DPP10: variants seen among roughly 807,000 people sequenced by gnomAD.
DPP10 encodes the protein dipeptidyl peptidase like 10, also known as inactive dipeptidyl peptidase 10.
Under a neutral mutation model 120.9 loss-of-function variants are expected in DPP10, and 33 were observed. That is an observed-to-expected ratio of 0.27 (90% CI 0.21 to 0.37). DPP10 has a LOEUF of 0.37. Among genes scored for constraint, DPP10 ranks in the 10% least tolerant of loss-of-function variants. The probability of loss-of-function intolerance (pLI) is 1.00; values close to 1 mark genes in which losing one functional copy is unlikely to be tolerated. For synonymous variants in DPP10, 337 were observed against 326.1 expected (o/e 1.03, Z -0.36); for missense variants, 816 against 942.8 (o/e 0.87, Z 1.76).
intron 1 of DPP10, among the ~76,000 whole-genome samples, chr2:114,928,164 C>T (rs765469290): frequency 1.2e-4 from 18 of 152,214 alleles, no homozygotes; most frequent in Non-Finnish European, 2.2e-4. Flanking sequence ...ATAAAATCAT[C>T]CCTCTCCAAT....
intron 1 of DPP10, among the ~76,000 whole-genome samples, chr2:114,537,577 T>C (rs1194722349): frequency 1.3e-5 from 2 of 152,098 alleles, no homozygotes; most frequent in African/African-American, 2.4e-5. Flanking sequence ...AAGATCATAA[T>C]AGCAATAATG....
chr2:114,451,729 G>T (rs1230794064), intron 1 of DPP10, among the ~76,000 whole-genome samples: 1 of 152,104 alleles, frequency 6.6e-6, no homozygotes, highest in South Asian at 2.1e-4. Context: ...TACTCTGACG[G>T]CAAAGCTTAA....
chr2:115,224,627 C>A (rs1306235925), intron 1 of DPP10, among the ~76,000 whole-genome samples: 2 of 151,990 alleles, frequency 1.3e-5, no homozygotes, highest in Non-Finnish European at 2.9e-5. Context: ...TAGTTAATAA[C>A]AATGTATTAT....
At chr2:115,796,776 A>G (rs1684578555) in intron 19 of DPP10, among the ~76,000 whole-genome samples, 1 of 152,086 alleles carries the variant, frequency 6.6e-6, no homozygotes, top group South Asian at 2.1e-4. Flanking sequence ...ATATTTAGAC[A>G]TCATCTTTAG....
intron 1 of DPP10, among the ~76,000 whole-genome samples, chr2:114,961,033 CTTTTTTTTTTTTTTTTTTTTT>C (rs772146022): frequency 2.3e-4 from 12 of 52,030 alleles, no homozygotes; most frequent in South Asian, 8.3e-4. Flanking sequence ...CTCTATACGC[CTTTTTTTTTTTTTTTTTTTTT>C]TTTTTTTTTT....
At chr2:115,476,208 G>A (rs2105224164) in intron 3 of DPP10, among the ~76,000 whole-genome samples, 1 of 152,182 alleles carries the variant, frequency 6.6e-6, no homozygotes, top group Non-Finnish European at 1.5e-5. Context: ...TGGATCAACA[G>A]GGCAGATTTT....
intron 1 of DPP10, among the ~76,000 whole-genome samples, chr2:114,965,986 A>G (rs1699003026): frequency 2.9e-5 from 4 of 137,250 alleles, no homozygotes; most frequent in Non-Finnish European, 6.4e-5. Context: ...AAAAAAAAAA[A>G]AGAAAAAAAA....
At chr2:115,455,017 T>C in intron 3 of DPP10, among the ~76,000 whole-genome samples, 1 of 150,808 alleles carries the variant, frequency 6.6e-6, no homozygotes, top group South Asian at 2.1e-4. Context: ...AATGTAAGTA[T>C]AATATATATT....
At chr2:115,274,965 G>A (rs55647736) in intron 1 of DPP10, among the ~76,000 whole-genome samples, 2 of 152,216 alleles carry the variant, frequency 1.3e-5, no homozygotes, top group East Asian at 3.9e-4. Context: ...TCACAGAATA[G>A]AATCCTATTT....
At chr2:115,333,386 G>T (rs148698790) in intron 2 of DPP10, among the ~76,000 whole-genome samples, 1 of 152,220 alleles carries the variant, frequency 6.6e-6, no homozygotes, top group African/African-American at 2.4e-5. Flanking sequence ...CAATTTGCCA[G>T]TCTGTGTCTT....
At chr2:115,045,807 T>C (rs1224212568) in intron 1 of DPP10, among the ~76,000 whole-genome samples, 6 of 152,214 alleles carry the variant, frequency 3.9e-5, no homozygotes, top group African/African-American at 1.4e-4. Flanking sequence ...TTGTTCACTT[T>C]GGTGTTGCTG....
At chr2:114,460,540 A>G (rs1678843878) in intron 1 of DPP10, among the ~76,000 whole-genome samples, 1 of 152,186 alleles carries the variant, frequency 6.6e-6, no homozygotes, top group South Asian at 2.1e-4. Context: ...TTTAAACAGG[A>G]TGACACAAGG....
intron 1 of DPP10, among the ~76,000 whole-genome samples, chr2:114,581,609 T>G (rs1690533781): frequency 6.6e-6 from 1 of 152,172 alleles, no homozygotes; most frequent in South Asian, 2.1e-4. Flanking sequence ...ATGTTGGCAT[T>G]TTTGTTGGCC....
chr2:114,651,748 A>C (rs1207140760), intron 1 of DPP10, among the ~76,000 whole-genome samples: 1 of 152,116 alleles, frequency 6.6e-6, no homozygotes, highest in African/African-American at 2.4e-5. Flanking sequence ...ACAATCCGCA[A>C]CTGTTAGGAG....
intron 1 of DPP10, among the ~76,000 whole-genome samples, chr2:115,146,626 C>T (rs1237747559): frequency 6.6e-6 from 1 of 150,582 alleles, no homozygotes; most frequent in Non-Finnish European, 1.5e-5. Context: ...CAAATATCTA[C>T]TATGTATCAT....
Position 115,362,088 on chromosome 2 carries a change from T to C in DPP10, c.271+18176T>C, listed in dbSNP as rs2064813833. Among the ~76,000 whole-genome samples, 3 of 152,176 alleles carry C rather than the reference T, an allele frequency of 2.0e-5. No homozygotes were observed. The South Asian group carries it at 6.2e-4, about 32-fold the overall frequency. On this transcript the variant is annotated intron_variant, in intron 3 of 25. Transcript: ENST00000410059. ...TTTCTTTATGAATGGCTAAATTTAC[T>C]TAATCAGCTTGGTTATACAGTCAAT...
chr2:114,644,836 A>T (rs1347133516), intron 1 of DPP10, among the ~76,000 whole-genome samples: 2 of 151,936 alleles, frequency 1.3e-5, no homozygotes, highest in African/African-American at 4.9e-5. Context: ...TGCTACTAAC[A>T]TTTATCATTT....
rs151286249 is a variant in DPP10, at chr2:114,464,964, G to A, written c.60+22126G>A. Among the ~76,000 whole-genome samples, 127 of 152,150 alleles carry A rather than the reference G, an allele frequency of 8.3e-4. 2 individuals carry two copies. The highest frequency in any genetic ancestry group is 2.6e-3 in the African/African-American group (107 of 41,512). ...ACCACTCATTATGTTAGTTTTCCCC[G>A]TTCTCCATAAAATGACCACTGTGTC... On this transcript the variant is annotated intron_variant, in intron 1 of 25. Coordinates refer to ENST00000410059, the MANE Select transcript of DPP10 (RefSeq NM_020868.6).
chr2:115,487,107 A>G (rs947624530), intron 3 of DPP10, among the ~76,000 whole-genome samples: 3 of 151,998 alleles, frequency 2.0e-5, no homozygotes, highest in African/African-American at 7.3e-5. Context: ...GAGCCAAATC[A>G]TGAGTGAACT....
Sources: gnomAD v4.1 joint callset for allele counts (sites outside exome capture counted in the v4.1 genomes callset) on GRCh38, gnomAD v4.1.1 for gene constraint, MANE v1.5 for transcripts, NCBI Gene and HGNC (gene_info 2026-07-23, HGNC 2026-07-21) for gene names.